MOSMO: variants seen among roughly 807,000 people sequenced by gnomAD.
The protein encoded by MOSMO is modulator of smoothened, also known as modulator of smoothened protein.
MOSMO carries 5 observed loss-of-function variants against 18.4 expected under a neutral mutation model. The observed-to-expected ratio is 0.27, with a 90% CI of 0.14 to 0.57. The LOEUF (loss-of-function observed/expected upper bound fraction) is 0.57, where lower values mean the gene tolerates loss of function less well. MOSMO is among the 20% of genes least tolerant of loss of function. The pLI is 0.92. For missense variants in MOSMO, 138 were observed against 211.8 expected (o/e 0.65, Z 2.16); for synonymous variants, 82 against 82.3 (o/e 1.00, Z 0.02).
At chr16:22,070,868 A>G (rs1240167675) in intron 1 of MOSMO, among the ~76,000 whole-genome samples, 1 of 152,110 alleles carries the variant, frequency 6.6e-6, no homozygotes, top group Non-Finnish European at 1.5e-5. Context: ...TGACTTACCC[A>G]GGGAGGTGCA....
rs1419505989 is a variant in MOSMO at position 22,083,447 on chromosome 16, T to TA, written c.*2567_*2568insA. ...AGTATGTGAAGTCAAGTCTTCGTAC[T>TA]CTTGCAGACCAGACATTGAAATGGA... is the stretch of plus-strand genomic sequence containing the variant. On this transcript the variant is annotated 3_prime_UTR_variant, in exon 3 of 3. Coordinates refer to ENST00000542527, the MANE Select transcript of MOSMO (RefSeq NM_001164579.2). 2 of 275,100 alleles carry TA rather than the reference T, an allele frequency of 7.3e-6. No homozygotes were observed. The highest frequency in any genetic ancestry group is 5.5e-5 in the Admixed American group (1 of 18,130). The allele number at this position is 275,100 out of a possible 1,614,324, so 17.0% of individuals were successfully genotyped here. A position where few individuals can be genotyped will look rare whatever the true frequency, so the allele number is the denominator to read the frequency against.
intron 1 of MOSMO, among the ~76,000 whole-genome samples, chr16:22,012,430 T>A (rs1899551385): frequency 6.6e-6 from 1 of 152,224 alleles, no homozygotes; most frequent in Non-Finnish European, 1.5e-5. Context: ...GAACAGTACC[T>A]GACACACAGT....
chr16:22,022,964 C>T (rs1234463627), intron 1 of MOSMO, among the ~76,000 whole-genome samples: 1 of 152,152 alleles, frequency 6.6e-6, no homozygotes, highest in East Asian at 1.9e-4. Context: ...AACCAAGTGT[C>T]AGTCAAGGGT....
intron 1 of MOSMO, among the ~76,000 whole-genome samples, chr16:22,024,017 T>TATATATATATATA (rs1567501188): frequency 2.4e-5 from 2 of 84,184 alleles, no homozygotes; most frequent in African/African-American, 2.4e-4. Flanking sequence ...ATATATATAT[T>TATATATATATATA]TTCTTAAGAA....
chr16:22,013,158 A>G (rs1899567420), intron 1 of MOSMO, among the ~76,000 whole-genome samples: 1 of 152,200 alleles, frequency 6.6e-6, no homozygotes, highest in Admixed American at 6.5e-5. Flanking sequence ...TTTTTGAAGC[A>G]CTTTGACATC....
intron 1 of MOSMO, among the ~76,000 whole-genome samples, chr16:22,050,725 T>C (rs188699810): frequency 6.6e-6 from 1 of 151,636 alleles, no homozygotes; most frequent in Non-Finnish European, 1.5e-5. Flanking sequence ...CTTAAAAAAA[T>C]TTTTTTAAGT....
chr16:22,049,035 A>G (rs1333046109), intron 1 of MOSMO, among the ~76,000 whole-genome samples: 1 of 152,154 alleles, frequency 6.6e-6, no homozygotes, highest in African/African-American at 2.4e-5. Context: ...GGATATTAAC[A>G]TTTTTAAAGG....
chr16:22,056,851 T>C (rs989748832), intron 1 of MOSMO, among the ~76,000 whole-genome samples: 1 of 152,232 alleles, frequency 6.6e-6, no homozygotes, highest in African/African-American at 2.4e-5. Context: ...AATGCATTTC[T>C]GATTCTATTT....
At chr16:22,038,752 G>GT (rs1168187848) in intron 1 of MOSMO, among the ~76,000 whole-genome samples, 2 of 152,208 alleles carry the variant, frequency 1.3e-5, no homozygotes, top group African/African-American at 2.4e-5. Context: ...TTTCTGGGTT[G>GT]TATTGAGGGG....
At chr16:22,075,404 A>C in intron 1 of MOSMO, 83 bp from the exon 2 acceptor site, 1 of 934,162 alleles carries the variant, frequency 1.1e-6, no homozygotes. Context: ...AATGAGATTT[A>C]AGAACTAAAG....
chr16:22,060,895 A>G (rs115155467), intron 1 of MOSMO, among the ~76,000 whole-genome samples: 6,625 of 152,130 alleles, frequency 0.044, 570 homozygotes, highest in East Asian at 0.4. Context: ...AAAAAAAAAG[A>G]AAAGTACAGC....
chr16:22,069,902 A>T (rs1337216867), intron 1 of MOSMO, among the ~76,000 whole-genome samples: 1 of 152,232 alleles, frequency 6.6e-6, no homozygotes, highest in African/African-American at 2.4e-5. Flanking sequence ...AAACACATTC[A>T]AACATTTTTG....
chr16:22,071,498 C>T (rs1598024067), intron 1 of MOSMO, among the ~76,000 whole-genome samples: 1 of 152,212 alleles, frequency 6.6e-6, no homozygotes, highest in Non-Finnish European at 1.5e-5. Context: ...ATCATCCTCA[C>T]TGTGGCAACA....
In MOSMO at chr16:22,008,179, G is replaced by T. The variant is rs1293483871; in HGVS notation, c.-123G>T. On this transcript the variant is annotated 5_prime_UTR_variant, in exon 1 of 3. Transcript: ENST00000542527. ...GCGCGGAGGGCGCGAGCGGCGCGCG[G>T]GGGCCGAGGGGGCGCGAGGCAGCGG... is the stretch of plus-strand genomic sequence containing the variant. 1 of 243,296 alleles carries T rather than the reference G, an allele frequency of 4.1e-6. No homozygotes were observed. Among genetic ancestry groups the T allele is most frequent in the African/African-American group, 2.3e-5 (1 of 43,240 alleles). The allele number at this position is 243,296 out of a possible 1,614,324, so 15.1% of individuals were successfully genotyped here. A position where few individuals can be genotyped will look rare whatever the true frequency, so the allele number is the denominator to read the frequency against.
chr16:22,081,001 T>C lies in MOSMO; in HGVS notation c.*121T>C, dbSNP rs2141788015. The C allele has an allele frequency of 2.5e-6, 1 of 405,654 alleles. No homozygotes were observed. Among genetic ancestry groups the C allele is most frequent in the South Asian group, 1.1e-4 (1 of 9,448 alleles). The allele number at this position is 405,654 out of a possible 1,614,324, so 25.1% of individuals were successfully genotyped here. On this transcript the variant is annotated 3_prime_UTR_variant, in exon 3 of 3. Transcript: ENST00000542527. Reference sequence around the variant, plus strand: ...GGCCTCTCATGGGAAGATGCTCAGATGAAACTGATGCTGAGAAGGAAAAAA... The same window carrying C: ...GGCCTCTCATGGGAAGATGCTCAGACGAAACTGATGCTGAGAAGGAAAAAA...
intron 2 of MOSMO, among the ~76,000 whole-genome samples, chr16:22,077,688 C>G (rs759042410): frequency 1.2e-4 from 19 of 152,046 alleles, no homozygotes; most frequent in Non-Finnish European, 2.8e-4. Context: ...AAGCATAGAG[C>G]TCCCCCATAT....
chr16:22,008,276 G>C lies in MOSMO; in HGVS notation c.-26G>C, dbSNP rs1315100288. The stretch of plus-strand genomic sequence containing the variant: ...GAGGCCGCTGCCTGTCCGGGGCTCG[G>C]GGGGTGGGGGGAGCGGGGCGGGGAG... On this transcript the variant is annotated 5_prime_UTR_variant, in exon 1 of 3. Transcript: ENST00000542527. The C allele has an allele frequency of 3.4e-6, 5 of 1,466,988 alleles. No homozygotes were observed. The East Asian group carries it at 7.9e-5, about 23-fold the overall frequency. 90.9% of individuals were successfully genotyped at this position (1,466,988 alleles called of 1,614,324 possible). A position where few individuals can be genotyped will look rare whatever the true frequency, so the allele number is the denominator to read the frequency against.
At position 22,037,851 on chromosome 16, in the gene MOSMO, C is replaced by T. The variant is rs1480880182; in HGVS notation, c.106+29444C>T. 5.3e-5 allele frequency among the ~76,000 whole-genome samples: 8 copies of T among 152,222 alleles called. No individual in the cohort carries two copies. In the South Asian group the frequency reaches 1.4e-3, roughly 28 times the overall value. On this transcript the variant is annotated intron_variant, in intron 1 of 2. Transcript: ENST00000542527. ...CCTCCAGGAAGCTCCATGTGTTTAG[C>T]TACCCAGAAGCTCTTTGAGCCCAAT...
intron 1 of MOSMO, among the ~76,000 whole-genome samples, chr16:22,032,673 A>C (rs1397234173): frequency 6.6e-6 from 1 of 152,082 alleles, no homozygotes; most frequent in Non-Finnish European, 1.5e-5. Context: ...CAGCCTCCCA[A>C]GTAGCTGGGA....
Sources: allele counts gnomAD v4.1 joint callset (sites outside exome capture counted in the v4.1 genomes callset), GRCh38; gene constraint gnomAD v4.1.1; transcripts MANE v1.5; gene names NCBI Gene and HGNC (gene_info 2026-07-23, HGNC 2026-07-21).